The following INTS7 variants were observed in gnomAD, a reference collection of about 807,000 sequenced individuals.
The protein encoded by INTS7 is integrator complex subunit 7, also known as chromosome 1 open reading frame 73.
In INTS7, 46 loss-of-function variants were observed where a neutral mutation model predicts 109.2. The observed-to-expected ratio is 0.42, with a 90% CI of 0.33 to 0.54. INTS7 has a LOEUF of 0.54. Ranked by LOEUF, INTS7 falls within the 20% of genes least tolerant of loss-of-function variation. The probability of loss-of-function intolerance (pLI) is 0.07; values close to 1 mark genes in which losing one functional copy is unlikely to be tolerated. For missense variants in INTS7, 929 were observed against 1,132.4 expected, an observed-to-expected ratio of 0.82 and a Z score of 2.58; for synonymous variants, 412 against 402.9, an observed-to-expected ratio of 1.02 and a Z score of -0.27.
At chr1:211,966,266 C>G (rs1322570730) in intron 16 of INTS7, 164 bp downstream of exon 16, 1 of 454,082 alleles carries the variant, frequency 2.2e-6, no homozygotes, top group African/African-American at 2.0e-5. Flanking sequence ...GGAGGTAAAT[C>G]TATGTTTTGT....
chr1:212,021,200 C>T lies in INTS7; in HGVS notation c.107G>A (p.Gly36Asp). The part of the protein sequence containing the change: ...LMELDKGLRS[G>D]KLGEQCEAVV... ...TGCTTCACACTGTTCACCAAGTTTGCCAGATCTTAGGCCTATGGAAAAAAA... is the reference window on the plus strand; with the variant it reads ...TGCTTCACACTGTTCACCAAGTTTGTCAGATCTTAGGCCTATGGAAAAAAA... The change falls in exon 2 of 20, where the codon GGC becomes GAC. Residue 36 changes from glycine (G) to aspartate (D), a missense_variant. By Grantham distance (94) the Gly-to-Asp change is moderately conservative (BLOSUM62 -1). Around this residue, in one of 2 missense-constraint regions of INTS7, gnomAD observed 142 missense variants for 231.4 expected, o/e 0.61. Transcript: ENST00000366994. 6.2e-7 allele frequency: 1 copy of T among 1,607,766 alleles called. No homozygotes were observed. Among genetic ancestry groups the T allele is most frequent in the Non-Finnish European group, 8.5e-7 (1 of 1,177,586 alleles).
intron 1 of INTS7, among the ~76,000 whole-genome samples, chr1:212,024,449 AT>A (rs2102496262): frequency 1.3e-5 from 2 of 152,150 alleles, no homozygotes; most frequent in South Asian, 4.2e-4. Flanking sequence ...TAGGCATTTT[AT>A]TTTTTGTTTG....
At chr1:212,008,290 A>T (rs756418208) in intron 5 of INTS7, among the ~76,000 whole-genome samples, 7 of 152,126 alleles carry the variant, frequency 4.6e-5, no homozygotes, top group African/African-American at 7.2e-5. Context: ...CATCATGCTC[A>T]TGTTATTACT....
intron 1 of INTS7, among the ~76,000 whole-genome samples, chr1:212,022,224 T>A (rs968801405): frequency 2.6e-5 from 4 of 152,134 alleles, no homozygotes; most frequent in Non-Finnish European, 5.9e-5. Flanking sequence ...GAAGAAGACA[T>A]AGAGACAATT....
chr1:211,968,942 T>A (rs1470584844), intron 13 of INTS7, among the ~76,000 whole-genome samples: 1 of 152,202 alleles, frequency 6.6e-6, no homozygotes. Flanking sequence ...CCTTACTGCC[T>A]ACATTCACAA....
intron 13 of INTS7, among the ~76,000 whole-genome samples, chr1:211,972,861 T>C (rs1344801090): frequency 2.0e-5 from 3 of 152,342 alleles, no homozygotes; most frequent in Non-Finnish European, 4.4e-5. Context: ...CTGAGCTTCC[T>C]TGAGCCTCAG....
At chr1:211,974,205 T>A (rs1256470845) in intron 13 of INTS7, among the ~76,000 whole-genome samples, 1 of 149,934 alleles carries the variant, frequency 6.7e-6, no homozygotes, top group Non-Finnish European at 1.5e-5. Flanking sequence ...AACCAGTAAT[T>A]ATATTTTTTA....
At chr1:211,972,099 C>A (rs1664209766) in intron 13 of INTS7, among the ~76,000 whole-genome samples, 1 of 151,898 alleles carries the variant, frequency 6.6e-6, no homozygotes, top group African/African-American at 2.4e-5. Context: ...CAGTGTCTTG[C>A]TATGTGACCC....
At chr1:212,001,728 C>T (rs1225943010) in intron 7 of INTS7, among the ~76,000 whole-genome samples, 1 of 152,228 alleles carries the variant, frequency 6.6e-6, no homozygotes, top group Non-Finnish European at 1.5e-5. Context: ...GGTGAACTAT[C>T]AGTCCTTATC....
intron 12 of INTS7, among the ~76,000 whole-genome samples, chr1:211,975,701 G>A (rs928696156): frequency 1.3e-5 from 2 of 152,174 alleles, no homozygotes; most frequent in Non-Finnish European, 2.9e-5. Flanking sequence ...TATTCTAGAT[G>A]AACTATTTAG....
At position 212,033,848 on chromosome 1, in the gene INTS7, C is replaced by G. The variant is rs543535046; in HGVS notation, c.94+1496G>C. ...TGTAAATCCCAGCACTTTGGAAGGC[C>G]GAGGCGGACGGATCACCTGAGGTCA... On this transcript the variant is annotated intron_variant, in intron 1 of 19. Coordinates refer to ENST00000366994, the MANE Select transcript of INTS7 (RefSeq NM_015434.4). 2.0e-5 allele frequency among the ~76,000 whole-genome samples: 3 copies of G among 152,096 alleles called. No homozygotes were observed. In the East Asian group the frequency reaches 5.8e-4, roughly 29 times the overall value.
chr1:211,964,684 TGATC>T (rs1460055269), intron 16 of INTS7, among the ~76,000 whole-genome samples: 2 of 152,188 alleles, frequency 1.3e-5, no homozygotes, highest in Non-Finnish European at 2.9e-5. Context: ...TACAACCATC[TGATC>T]TTTGACAAAG....
In INTS7 at chr1:211,967,968, A is replaced by G. The variant is rs777521555; in HGVS notation, c.2024T>C (p.Met675Thr). 1 of 1,582,254 alleles carries G rather than the reference A, an allele frequency of 6.3e-7. No homozygotes were observed. Among genetic ancestry groups the G allele is most frequent in the Non-Finnish European group, 8.6e-7 (1 of 1,157,814 alleles). Residue 675 changes from methionine to threonine, a missense_variant, in exon 15 of 20, where the codon ATG becomes ACG. Coordinates refer to ENST00000366994, the MANE Select transcript of INTS7 (RefSeq NM_015434.4). ...AGAAGCAAGGCTTCGAAATTCTTCCATGGACTGTTTCATCTATAAAAAAAA... is the reference window on the plus strand; with the variant it reads ...AGAAGCAAGGCTTCGAAATTCTTCCGTGGACTGTTTCATCTATAAAAAAAA... Reference protein sequence around the residue: ...GRISNQMKQSMEEFRSLASRY... With the variant: ...GRISNQMKQSTEEFRSLASRY...
In INTS7 at chr1:211,959,076, AG is replaced by A. The variant is rs904452823; in HGVS notation, c.2184-6376del. 9.8e-5 allele frequency among the ~76,000 whole-genome samples: 15 copies of A among 152,334 alleles called. No individual in the cohort carries two copies. The South Asian group carries it at 1.9e-3, about 19-fold the overall frequency. ...TGCCACGGGCCTCTGGAATCCTGGC[AG>A]GAGATTCCTCGACCACTATGGACAC... On this transcript the variant is annotated intron_variant, in intron 16 of 19. Coordinates refer to ENST00000366994, the MANE Select transcript of INTS7 (RefSeq NM_015434.4). This position sits in a 1 kb window ranked among gnomAD's most constrained non-coding sequence, Gnocchi z 4.2.
intron 7 of INTS7, among the ~76,000 whole-genome samples, chr1:211,994,675 C>T (rs1665298324): frequency 6.6e-6 from 1 of 150,990 alleles, no homozygotes; most frequent in Non-Finnish European, 1.5e-5. Flanking sequence ...TCAAGTGATC[C>T]GCCTACCTCC....
At chr1:212,002,817 A>G (rs1665732540) in intron 7 of INTS7, among the ~76,000 whole-genome samples, 1 of 152,222 alleles carries the variant, frequency 6.6e-6, no homozygotes, top group Admixed American at 6.5e-5. Flanking sequence ...AAATCCCTAC[A>G]GGAATGTACT....
intron 5 of INTS7, among the ~76,000 whole-genome samples, chr1:212,007,699 C>T (rs1665990344): frequency 6.6e-6 from 1 of 152,078 alleles, no homozygotes; most frequent in African/African-American, 2.4e-5. Flanking sequence ...TTAAAAAGCA[C>T]AGTAGAAAGC....
intron 7 of INTS7, among the ~76,000 whole-genome samples, chr1:211,993,568 T>C (rs1248297021): frequency 6.6e-6 from 1 of 150,862 alleles, no homozygotes; most frequent in Non-Finnish European, 1.5e-5. Context: ...TAATCCCAGC[T>C]ACTTGGGAGG....
chr1:212,017,143 C>T (rs1252983303), intron 3 of INTS7, 120 bp from the exon 4 acceptor site: 9 of 651,278 alleles, frequency 1.4e-5, no homozygotes, highest in Non-Finnish European at 2.0e-5. Context: ...CTATGTAACT[C>T]CAGTTAATAA....
Sources: allele counts gnomAD v4.1 joint callset (sites outside exome capture counted in the v4.1 genomes callset), GRCh38; gene constraint gnomAD v4.1.1; regional missense constraint gnomAD v4.1.1; non-coding constraint Gnocchi (gnomAD v3.1); transcripts MANE v1.5; gene names NCBI Gene and HGNC (gene_info 2026-07-23, HGNC 2026-07-21).